MASP1: variants seen among roughly 807,000 people sequenced by gnomAD.
MASP1 encodes the protein mannan-binding lectin serine protease 1.
In MASP1, 59 loss-of-function variants were observed where a neutral mutation model predicts 77.1. The observed-to-expected ratio is 0.77, with a 90% CI of 0.62 to 0.95. The LOEUF is 0.95. Among genes scored for constraint, MASP1 ranks in the 40% least tolerant of loss-of-function variants. MASP1 has a pLI of 0.00. For missense variants in MASP1, 885 were observed against 912.9 expected (o/e 0.97, Z 0.39); for synonymous variants, 362 against 354.5 (o/e 1.02, Z -0.24).
Position 187,235,919 on chromosome 3 carries a change from C to G in MASP1, c.1952G>C (p.Gly651Ala), listed in dbSNP as rs776001380. The G allele has an allele frequency of 1.2e-6, 2 of 1,614,244 alleles. No homozygotes were observed. Among genetic ancestry groups the G allele is most frequent in the Non-Finnish European group, 8.5e-7 (1 of 1,180,048 alleles). The change falls in exon 11 of 11, where the codon GGC becomes GCC. Residue 651 changes from glycine to alanine, a missense_variant. Coordinates refer to ENST00000296280, the MANE Select transcript of MASP1 (RefSeq NM_139125.4). The part of the protein sequence containing the change: ...YSVTENMFCA[G>A]YYEGGKDTCL... ...CGTGTCTTTGCCGCCCTCGTAGTAGCCAGCACAGAACATGTTCTCCGTGAC... is the reference window on the plus strand; with the variant it reads ...CGTGTCTTTGCCGCCCTCGTAGTAGGCAGCACAGAACATGTTCTCCGTGAC...
At chr3:187,268,599 G>T (rs1716254156) in intron 2 of MASP1, among the ~76,000 whole-genome samples, 1 of 152,156 alleles carries the variant, frequency 6.6e-6, no homozygotes, top group South Asian at 2.1e-4. Flanking sequence ...TAGTGAACTT[G>T]CATATCTGGC....
At chr3:187,219,926 AG>A in exon 16 of MASP1, 1 of 788,380 alleles carries the variant, frequency 1.3e-6, no homozygotes, top group Non-Finnish European at 2.1e-6. Flanking sequence ...AAGGGGGTGA[AG>A]ATACCTGCTC....
chr3:187,264,846 T>C (rs988465758), intron 2 of MASP1, among the ~76,000 whole-genome samples: 6 of 152,296 alleles, frequency 3.9e-5, no homozygotes, highest in Middle Eastern at 3.4e-3. Flanking sequence ...GGGAAAGGGA[T>C]TCTTCTGTGA....
intron 13 of MASP1, among the ~76,000 whole-genome samples, chr3:187,224,905 G>A (rs887507286): frequency 6.6e-6 from 1 of 152,164 alleles, no homozygotes; most frequent in Non-Finnish European, 1.5e-5. Flanking sequence ...AGCGGTTCAG[G>A]TTCTGGCCCC....
chr3:187,223,177 T>C, exon 14 of MASP1: 1 of 1,614,152 alleles, frequency 6.2e-7, no homozygotes, highest in Non-Finnish European at 8.5e-7. Flanking sequence ...CCCCAGCCGC[T>C]GACGATGACC....
Position 187,235,011 on chromosome 3 carries a change from C to T in MASP1, c.*673G>A. ...TCTGCTCCCAGCAGTCAGCACAAAC[C>T]TTCCCAACTTTCTCCATGTCTTTTG... On this transcript the variant is annotated 3_prime_UTR_variant, in exon 11 of 11. Coordinates refer to ENST00000296280, the MANE Select transcript of MASP1 (RefSeq NM_139125.4). The T allele has an allele frequency of 1.6e-6, 2 of 1,287,230 alleles. No homozygotes were observed. Among genetic ancestry groups the T allele is most frequent in the Admixed American group, 2.3e-5 (1 of 43,566 alleles). The allele number at this position is 1,287,230 out of a possible 1,614,324, so 79.7% of individuals were successfully genotyped here. A position where few individuals can be genotyped will look rare whatever the true frequency, so the allele number is the denominator to read the frequency against.
chr3:187,220,917 T>TC (rs1000988055), intron 15 of MASP1: 1 of 760,502 alleles, frequency 1.3e-6, no homozygotes, highest in African/African-American at 1.7e-5. Context: ...CTTCCTCCAG[T>TC]CCCCCGCGCC....
intron 14 of MASP1, chr3:187,221,166 C>T: frequency 6.4e-7 from 1 of 1,554,264 alleles, no homozygotes; most frequent in Non-Finnish European, 8.8e-7. Flanking sequence ...GGTCCTCATC[C>T]CCGGCTGAGA....
chr3:187,229,054 G>A (rs850319), intron 11 of MASP1, among the ~76,000 whole-genome samples: 37,964 of 152,168 alleles, frequency 0.25, 5,939 homozygotes, highest in Non-Finnish European at 0.34. Flanking sequence ...ATCCGATGCA[G>A]AAGTGGTCTA....
chr3:187,246,698 C>G, intron 8 of MASP1: 8 of 987,886 alleles, frequency 8.1e-6, no homozygotes, highest in African/African-American at 1.7e-5. Flanking sequence ...TTTTAATCAG[C>G]GAATTTTAAG....
chr3:187,264,628 C>A (rs1371923853), intron 2 of MASP1, among the ~76,000 whole-genome samples: 1 of 152,142 alleles, frequency 6.6e-6, no homozygotes, highest in Non-Finnish European at 1.5e-5. Flanking sequence ...TGTAATGTCG[C>A]TTGACCTGGC....
At position 187,262,702 on chromosome 3, in the gene MASP1, C is replaced by A. The variant is rs1396685425; in HGVS notation, c.256G>T (p.Val86Leu). The part of the protein sequence containing the change: ...DYVKVETEDQ[V>L]LATFCGRETT... ...TCCCTGCCACAGAAGGTTGCCAGCACCTGGTCCTCAGTTTCTACCTTTGAG... is the reference window on the plus strand; with the variant it reads ...TCCCTGCCACAGAAGGTTGCCAGCAACTGGTCCTCAGTTTCTACCTTTGAG... The change falls in exon 3 of 11, where the codon GTG (valine) becomes TTG (leucine). Residue 86 changes from valine to leucine, a missense_variant. Physicochemically the swap from Val to Leu is conservative, Grantham distance 32. Coordinates refer to ENST00000296280, the MANE Select transcript of MASP1 (RefSeq NM_139125.4). 1 of 1,614,080 alleles carries A rather than the reference C, an allele frequency of 6.2e-7. No individual in the cohort carries two copies. The highest frequency in any genetic ancestry group is 1.1e-5 in the South Asian group (1 of 91,064).
intron 1 of MASP1, among the ~76,000 whole-genome samples, chr3:187,289,006 A>T (rs1312409113): frequency 1.3e-5 from 2 of 152,198 alleles, no homozygotes; most frequent in African/African-American, 4.8e-5. Flanking sequence ...GAAGAATATA[A>T]GTGGCAGCTT....
At chr3:187,229,797 G>A (rs544393741), downstream of MASP1, 13 of 1,614,174 alleles carry the variant, frequency 8.1e-6, no homozygotes, top group East Asian at 4.5e-5. Flanking sequence ...GCCCATTCAG[G>A]TGTGACAGCA....
intron 4 of MASP1, among the ~76,000 whole-genome samples, chr3:187,257,773 T>A (rs1715217166): frequency 6.6e-6 from 1 of 152,210 alleles, no homozygotes; most frequent in Admixed American, 6.5e-5. Flanking sequence ...TGTAATCTAC[T>A]GTCTTACTGT....
At chr3:187,249,337 C>A (rs1714368849) in intron 8 of MASP1, among the ~76,000 whole-genome samples, 1 of 152,154 alleles carries the variant, frequency 6.6e-6, no homozygotes. Flanking sequence ...GCATTACCAG[C>A]GTGAGCCACC....
chr3:187,286,167 C>T (rs1717843106), intron 1 of MASP1, 111 bp from the exon 2 acceptor site: 2 of 851,930 alleles, frequency 2.3e-6, no homozygotes, highest in Admixed American at 2.0e-5. Context: ...CTCTGGCCTG[C>T]CGTAATTAGC....
intron 4 of MASP1, among the ~76,000 whole-genome samples, chr3:187,258,896 G>A (rs755415886): frequency 6.6e-6 from 1 of 152,172 alleles, no homozygotes; most frequent in Non-Finnish European, 1.5e-5. Context: ...ACATATTCTG[G>A]TGGTGGTAGG....
At chr3:187,232,361 A>G (rs2108508832), downstream of MASP1, among the ~76,000 whole-genome samples, 1 of 151,874 alleles carries the variant, frequency 6.6e-6, no homozygotes, top group East Asian at 1.9e-4. Flanking sequence ...CTATGCCATC[A>G]TACTACCCAT....
Sources: gnomAD v4.1 joint callset for allele counts (sites outside exome capture counted in the v4.1 genomes callset) on GRCh38, gnomAD v4.1.1 for gene constraint, MANE v1.5 for transcripts, NCBI Gene and HGNC (gene_info 2026-07-23, HGNC 2026-07-21) for gene names.